Variants in SFSWAP observed in about 807,000 individuals in gnomAD.
The protein encoded by SFSWAP is splicing factor SWAP.
Under a neutral mutation model 100.7 loss-of-function variants are expected in SFSWAP, and 17 were observed. The observed-to-expected ratio is 0.17, with a 90% confidence interval of 0.12 to 0.25. The LOEUF (loss-of-function observed/expected upper bound fraction) is 0.25, where lower values mean the gene tolerates loss of function less well. Ranked by LOEUF, SFSWAP falls within the 10% of genes least tolerant of loss-of-function variation. The probability of loss-of-function intolerance (pLI) is 1.00; values close to 1 mark genes in which losing one functional copy is unlikely to be tolerated. For missense variants in SFSWAP, 1,005 were observed against 1,262.6 expected (o/e 0.80, Z 3.09); for synonymous variants, 504 against 510.1 (o/e 0.99, Z 0.16).
intron 7 of SFSWAP, among the ~76,000 whole-genome samples, chr12:131,750,951 G>A (rs1007724549): frequency 6.6e-6 from 1 of 152,198 alleles, no homozygotes. Flanking sequence ...TGGGATTATA[G>A]GTGTGACCCA....
intron 15 of SFSWAP, among the ~76,000 whole-genome samples, chr12:131,789,920 C>G (rs1885134393): frequency 6.6e-6 from 1 of 152,200 alleles, no homozygotes; most frequent in Non-Finnish European, 1.5e-5. Flanking sequence ...TGCATCTGCC[C>G]CTTCGTCTCC....
chr12:131,782,179 A>G (rs745520214), intron 14 of SFSWAP, among the ~76,000 whole-genome samples: 5 of 152,236 alleles, frequency 3.3e-5, no homozygotes, highest in Non-Finnish European at 7.3e-5. Flanking sequence ...GTGGTTTCTC[A>G]CCATAACCTT....
chr12:131,790,354 G>A (rs545062099), intron 15 of SFSWAP, among the ~76,000 whole-genome samples: 75 of 152,302 alleles, frequency 4.9e-4, no homozygotes, highest in Admixed American at 4.9e-3. Context: ...TCCAGCCCTG[G>A]AATCTACCAT....
intron 6 of SFSWAP, among the ~76,000 whole-genome samples, chr12:131,727,609 C>A (rs1278697965): frequency 1.3e-5 from 2 of 152,178 alleles, no homozygotes; most frequent in African/African-American, 4.8e-5. Flanking sequence ...CACACTACTG[C>A]ACGCCAGCCT....
chr12:131,742,663 C>T (rs943055934), intron 7 of SFSWAP, among the ~76,000 whole-genome samples: 2 of 150,288 alleles, frequency 1.3e-5, no homozygotes, highest in South Asian at 2.1e-4. Context: ...ACTAGGTCGT[C>T]GGGAGGTTAC....
At chr12:131,772,386 A>G (rs1031619368) in intron 13 of SFSWAP, among the ~76,000 whole-genome samples, 2 of 152,252 alleles carry the variant, frequency 1.3e-5, no homozygotes, top group Non-Finnish European at 2.9e-5. Context: ...AGATATTGGC[A>G]GCACTCTAAA....
chr12:131,787,496 T>C (rs1216181315), intron 15 of SFSWAP, among the ~76,000 whole-genome samples: 1 of 152,200 alleles, frequency 6.6e-6, no homozygotes, highest in African/African-American at 2.4e-5. Context: ...TGTGTCCCCA[T>C]GTGGAGTTCG....
At chr12:131,741,256 G>A (rs772975229) in intron 7 of SFSWAP, among the ~76,000 whole-genome samples, 8 of 151,928 alleles carry the variant, frequency 5.3e-5, no homozygotes, top group African/African-American at 1.2e-4. Context: ...GCAAGCCACC[G>A]TGCCCAGCCT....
Position 131,714,924 on chromosome 12 carries a change from C to T in SFSWAP, c.491C>T (p.Thr164Met). ...GACTATTACGACCCGTCAGAGCCGA[C>T]GGAGGAGGAGGAGCCTTCCAAACAG... ...GSDYYDPSEP[T>M]EEEEPSKQRE... Residue 164 changes from threonine (T) to methionine (M), a missense_variant, in exon 3 of 18, where the codon ACG becomes ATG. By Grantham distance (81) the Thr-to-Met change is moderately conservative. This residue lies in a region of SFSWAP where 237 missense variants were observed against 337.0 expected (regional missense o/e 0.70). Transcript: ENST00000261674. The surrounding 1 kb of genome is among the most constrained non-coding windows in gnomAD (Gnocchi z 6.0). 2 of 1,614,036 alleles carry T rather than the reference C, an allele frequency of 1.2e-6. No individual in the cohort carries two copies. Among genetic ancestry groups the T allele is most frequent in the Non-Finnish European group, 8.5e-7 (1 of 1,180,004 alleles).
intron 13 of SFSWAP, among the ~76,000 whole-genome samples, chr12:131,767,624 A>G (rs1007396924): frequency 1.3e-5 from 2 of 152,276 alleles, no homozygotes; most frequent in African/African-American, 4.8e-5. Context: ...CAATTAGACA[A>G]TAGCTAAAAA....
At chr12:131,735,229 C>CATCA (rs1256476731) in intron 7 of SFSWAP, among the ~76,000 whole-genome samples, 1 of 152,196 alleles carries the variant, frequency 6.6e-6, no homozygotes, top group East Asian at 1.9e-4. Flanking sequence ...ATGGGCTGTG[C>CATCA]ATCATCCCTA....
chr12:131,711,684 C>T lies in SFSWAP; in HGVS notation c.218+237C>T, dbSNP rs1418394730. ...GCGTCCGTCTCCGGAGGGATCGTCT[C>T]TGGTCCCGCAGCCCCTCTCGACCCC... On this transcript the variant is annotated intron_variant, in intron 1 of 17. Transcript: ENST00000261674. The surrounding 1 kb of genome is among the most constrained non-coding windows in gnomAD (Gnocchi z 4.9). The T allele has an allele frequency of 7.6e-6, 4 of 526,386 alleles. No individual in the cohort carries two copies. The highest frequency in any genetic ancestry group is 3.8e-5 in the African/African-American group (2 of 52,044). 32.6% of individuals were successfully genotyped at this position (526,386 alleles called of 1,614,324 possible).
At chr12:131,789,149 T>G (rs1216739619) in intron 15 of SFSWAP, among the ~76,000 whole-genome samples, 1 of 151,982 alleles carries the variant, frequency 6.6e-6, no homozygotes. Context: ...CCCAGCTAAT[T>G]TTTTGTATTT....
chr12:131,766,004 T>C, intron 12 of SFSWAP, 114 bp from the exon 13 acceptor site: 3 of 1,025,064 alleles, frequency 2.9e-6, no homozygotes, highest in South Asian at 1.6e-5. Context: ...TATGTACCTA[T>C]TCAGAAACTT....
At chr12:131,755,888 T>C (rs1882109173) in intron 10 of SFSWAP, among the ~76,000 whole-genome samples, 1 of 152,264 alleles carries the variant, frequency 6.6e-6, no homozygotes, top group African/African-American at 2.4e-5. Flanking sequence ...GGGGGTGTCC[T>C]GCAGCACGGC....
At chr12:131,772,845 A>G (rs1883728217) in intron 13 of SFSWAP, among the ~76,000 whole-genome samples, 1 of 152,160 alleles carries the variant, frequency 6.6e-6, no homozygotes, top group Admixed American at 6.5e-5. Context: ...AACGAATTAA[A>G]GGGTGGTGAA....
chr12:131,799,475 C>T lies in SFSWAP; in HGVS notation c.2843C>T (p.Thr948Ile). The T allele has an allele frequency of 6.2e-7, 1 of 1,614,082 alleles. No homozygotes were observed. The highest frequency in any genetic ancestry group is 8.5e-7 in the Non-Finnish European group (1 of 1,179,938). ...AMLAASKNLQ[T>I]SAS Reference sequence around the variant, plus strand: ...CTTGCAGCTTCCAAAAACCTGCAAACCAGCGCTTCCTGAGACGGGGCCAGC... The same window carrying T: ...CTTGCAGCTTCCAAAAACCTGCAAATCAGCGCTTCCTGAGACGGGGCCAGC... Residue 948 changes from threonine (T) to isoleucine (I), a missense_variant, in exon 18 of 18, where the codon ACC becomes ATC. Physicochemically the swap from Thr to Ile is moderately conservative, Grantham distance 89 (BLOSUM62 -1). Coordinates refer to ENST00000261674, the MANE Select transcript of SFSWAP (RefSeq NM_004592.4).
intron 14 of SFSWAP, among the ~76,000 whole-genome samples, chr12:131,779,236 C>CGTGTGTGAAGAGGGCGGCGCGGGTGAGT (rs1566051534): frequency 5.2e-5 from 7 of 133,622 alleles, no homozygotes; most frequent in Admixed American, 1.5e-4. Flanking sequence ...CGCGGGTGAG[C>CGTGTGTGAAGAGGGCGGCGCGGGTGAGT]GTGTGTGAAG....
At chr12:131,731,421 C>G (rs1158112295) in intron 7 of SFSWAP, among the ~76,000 whole-genome samples, 1 of 152,200 alleles carries the variant, frequency 6.6e-6, no homozygotes, top group Non-Finnish European at 1.5e-5. Context: ...TCCCTCATGA[C>G]CTCGTCTTCA....
Sources: gnomAD v4.1 joint callset for allele counts (sites outside exome capture counted in the v4.1 genomes callset) on GRCh38, gnomAD v4.1.1 for gene constraint, gnomAD v4.1.1 regional missense constraint, Gnocchi (gnomAD v3.1) non-coding constraint, MANE v1.5 for transcripts, NCBI Gene and HGNC (gene_info 2026-07-23, HGNC 2026-07-21) for gene names.